Variants in TICRR observed in about 807,000 individuals in gnomAD.
TICRR encodes treslin.
Under a neutral mutation model 178.1 loss-of-function variants are expected in TICRR, and 132 were observed. The ratio of observed to expected loss-of-function variants is 0.74; its 90% CI spans 0.64 to 0.86. TICRR has a LOEUF of 0.86. Ranked by LOEUF, TICRR falls within the 40% of genes least tolerant of loss-of-function variation. The pLI, the probability that TICRR is intolerant of heterozygous loss-of-function variation, is 0.00. For synonymous variants in TICRR, 991 were observed against 900.7 expected (o/e 1.10, Z -1.79); for missense variants, 2,587 against 2,334.3 (o/e 1.11, Z -2.23).
At chr15:89,583,039 ACTT>A in intron 2 of TICRR, 74 bp downstream of exon 2, 8 of 1,433,616 alleles carry the variant, frequency 5.6e-6, no homozygotes, top group Non-Finnish European at 6.5e-6. Context: ...GAAGCTTTTA[ACTT>A]CTTTGGCATT....
intron 14 of TICRR, among the ~76,000 whole-genome samples, chr15:89,608,287 AAAC>A (rs1963203540): frequency 6.6e-6 from 1 of 152,216 alleles, no homozygotes; most frequent in Admixed American, 6.5e-5. Flanking sequence ...AGAAAGATAC[AAAC>A]TACTAAAAAC....
At position 89,623,965 on chromosome 15, in the gene TICRR, A is replaced by C. The variant is rs757057488; in HGVS notation, c.3655A>C (p.Ser1219Arg). The C allele has an allele frequency of 1.9e-6, 3 of 1,613,894 alleles. No homozygotes were observed. In the African/African-American group the frequency reaches 4.0e-5, roughly 22 times the overall value. Reference protein sequence around the residue: ...NCTWPHSVNSSPESPSCPAPP... With the variant: ...NCTWPHSVNSRPESPSCPAPP... The stretch of plus-strand genomic sequence containing the variant: ...TACTTGGCCACATTCAGTGAATTCC[A>C]GTCCAGAAAGCCCCTCCTGTCCAGC... The change falls in exon 20 of 22, where the codon AGT (serine) becomes CGT (arginine). Residue 1219 changes from serine to arginine, a missense_variant. By Grantham distance (110) the Ser-to-Arg change is moderately radical. Coordinates refer to ENST00000268138, the MANE Select transcript of TICRR (RefSeq NM_152259.4).
chr15:89,593,803 C>T (rs1382621994), intron 5 of TICRR, among the ~76,000 whole-genome samples: 1 of 152,194 alleles, frequency 6.6e-6, no homozygotes. Flanking sequence ...ATCACCGTAA[C>T]TTTCTTGCAC....
Position 89,625,214 on chromosome 15 carries a change from G to A in TICRR, c.4904G>A (p.Gly1635Asp). The change falls in exon 20 of 22, where the codon GGC becomes GAC. Residue 1635 changes from glycine to aspartate, a missense_variant. Gly to Asp is a moderately conservative substitution (Grantham distance 94). Coordinates refer to ENST00000268138, the MANE Select transcript of TICRR (RefSeq NM_152259.4). The part of the protein sequence containing the change: ...PCPRLSHSTP[G>D]KSRGQTYICQ... ...CCCCGCCTCTCCCACAGCACACCTGGCAAGAGCAGGGGGCAAACCTACATC... is the reference window on the plus strand; with the variant it reads ...CCCCGCCTCTCCCACAGCACACCTGACAAGAGCAGGGGGCAAACCTACATC... 4 of 1,613,628 alleles carry A rather than the reference G, an allele frequency of 2.5e-6. No individual in the cohort carries two copies. The highest frequency in any genetic ancestry group is 3.4e-6 in the Non-Finnish European group (4 of 1,179,820).
Position 89,624,965 on chromosome 15 carries a change from ACT to A in TICRR, c.4658_4659del (p.Ser1553CysfsTer7), listed in dbSNP as rs764454194. On this transcript the variant is annotated frameshift_variant, in exon 20 of 22. Coordinates refer to ENST00000268138, the MANE Select transcript of TICRR (RefSeq NM_152259.4). LOFTEE classifies it high-confidence loss of function. ...CCAGCATCAGCTTGGCATTCCACAG[ACT>A]CTGCCAGCCCACAGACCTATGAGGT... The A allele has an allele frequency of 3.7e-6, 6 of 1,613,856 alleles. No individual in the cohort carries two copies. Among genetic ancestry groups the A allele is most frequent in the Non-Finnish European group, 5.1e-6 (6 of 1,179,962 alleles).
rs768140486 is a variant in TICRR at position 89,575,650 on chromosome 15, C to T, written c.64C>T (p.Arg22Trp). The T allele has an allele frequency of 3.2e-6, 5 of 1,568,288 alleles. 1 individual carries two copies. Among genetic ancestry groups the T allele is most frequent in the South Asian group, 2.3e-5 (2 of 86,496 alleles). The change falls in exon 1 of 22, where the codon CGG (arginine) becomes TGG (tryptophan). Residue 22 changes from arginine to tryptophan, a missense_variant. Arg to Trp is a moderately radical substitution (Grantham distance 101). Transcript: ENST00000268138. ...DTAGGAARHS[R>W]VRRAALRLLT... ...CGCGGGCGGCGCCGCCCGCCACAGC[C>T]GGGTCCGGCGGGCCGCCCTGCGCCT...
intron 18 of TICRR, among the ~76,000 whole-genome samples, chr15:89,620,441 C>A (rs1963405648): frequency 6.6e-6 from 1 of 151,840 alleles, no homozygotes; most frequent in Non-Finnish European, 1.5e-5. Context: ...CTGCTGGGCT[C>A]AAGTGATCCA....
intron 16 of TICRR, among the ~76,000 whole-genome samples, chr15:89,617,241 T>A (rs1963349353): frequency 6.6e-6 from 1 of 152,186 alleles, no homozygotes. Context: ...ATCTCGACAT[T>A]ATTCGTATAT....
chr15:89,576,407 G>A (rs1962615811), intron 1 of TICRR, among the ~76,000 whole-genome samples, 167 bp downstream of exon 1: 1 of 152,122 alleles, frequency 6.6e-6, no homozygotes, highest in South Asian at 2.1e-4. Flanking sequence ...AACAAAATGG[G>A]TAGTTCCTCA....
chr15:89,596,450 G>A lies in TICRR; in HGVS notation c.1900+839G>A, dbSNP rs1018181920. Reference sequence around the variant, plus strand: ...CAACCTCTGCCTCCCGGGTTCAAGCGATTCTCCTGTCTCAGCCTCCCGAGT... The same window carrying A: ...CAACCTCTGCCTCCCGGGTTCAAGCAATTCTCCTGTCTCAGCCTCCCGAGT... On this transcript the variant is annotated intron_variant, in intron 7 of 21. Coordinates refer to ENST00000268138, the MANE Select transcript of TICRR (RefSeq NM_152259.4). Among the ~76,000 whole-genome samples, 4 of 152,096 alleles carry A rather than the reference G, an allele frequency of 2.6e-5. 1 individual carries two copies. The highest frequency in any genetic ancestry group is 4.2e-4 in the South Asian group (2 of 4,816).
chr15:89,625,569 G>A lies in TICRR; in HGVS notation c.5259G>A (p.Arg1753=). ...VCQLPDQSPP[R]NSMPKAEEAS... The stretch of plus-strand genomic sequence containing the variant: ...AGCTCCCAGACCAGTCGCCTCCCAG[G>A]AACAGCATGCCTAAGGCCGAGGAAG... The change falls in exon 20 of 22, where the codon AGG becomes AGA. Residue 1753 remains arginine, a synonymous_variant. Transcript: ENST00000268138. 6.2e-7 allele frequency: 1 copy of A among 1,613,068 alleles called. No individual in the cohort carries two copies. The highest frequency in any genetic ancestry group is 8.5e-7 in the Non-Finnish European group (1 of 1,180,008).
chr15:89,605,493 C>T (rs542459358), intron 13 of TICRR, among the ~76,000 whole-genome samples: 3 of 152,218 alleles, frequency 2.0e-5, no homozygotes, highest in East Asian at 3.9e-4. Context: ...CTCAGCCTCC[C>T]GAGTAGCTGG....
Position 89,608,882 on chromosome 15 carries a change from T to C in TICRR, c.2802T>C (p.Pro934=), listed in dbSNP as rs562641129. 9.9e-6 allele frequency: 16 copies of C among 1,611,390 alleles called. No homozygotes were observed. Among genetic ancestry groups the C allele is most frequent in the Admixed American group, 1.7e-5 (1 of 59,476 alleles). The change falls in exon 15 of 22, where the codon CCT becomes CCC. Residue 934 remains proline (P), a synonymous_variant. Transcript: ENST00000268138. ...PSKRSLKRGL[P]RSHSVSAVDG... ...AGAGATCACTAAAGCGGGGGTTGCC[T>C]AGAAGCCATTCTGTGTCAGCTGTGG...
In TICRR at chr15:89,614,533, G is replaced by A. The variant is rs181531490; in HGVS notation, c.2870-1872G>A. Among the ~76,000 whole-genome samples the A allele has an allele frequency of 2.3e-3, 345 of 152,174 alleles. 5 individuals carry two copies. The highest frequency in any genetic ancestry group is 0.016 in the Admixed American group (247 of 15,280). On this transcript the variant is annotated intron_variant, in intron 15 of 21. Coordinates refer to ENST00000268138, the MANE Select transcript of TICRR (RefSeq NM_152259.4). ...TTTTGTAAAGATGTGGTTTCACCAC[G>A]TTGGCCAGGCTTGTCTTGAACTTCT...
At chr15:89,601,460 A>G (rs1421501426) in intron 10 of TICRR, 29 bp from the exon 11 acceptor site, 4 of 1,613,438 alleles carry the variant, frequency 2.5e-6, no homozygotes, top group Non-Finnish European at 3.4e-6. Flanking sequence ...GAGGGCATCT[A>G]TATAGTAACG....
At position 89,584,320 on chromosome 15, in the gene TICRR, C is replaced by T; in HGVS notation, c.969C>T (p.Thr323=). 1.2e-6 allele frequency: 2 copies of T among 1,614,016 alleles called. No individual in the cohort carries two copies. Among genetic ancestry groups the T allele is most frequent in the Non-Finnish European group, 1.7e-6 (2 of 1,179,994 alleles). The change falls in exon 3 of 22, where the codon ACC becomes ACT. Residue 323 remains threonine (T), a synonymous_variant. Coordinates refer to ENST00000268138, the MANE Select transcript of TICRR (RefSeq NM_152259.4). ...AGATTCAAGAAACATGGACAGTCAC[C>T]CTAGAGCCCTTGGCCATGCATCAGA... is the stretch of plus-strand genomic sequence containing the variant. ...GKEIQETWTV[T]LEPLAMHQRH...
intron 4 of TICRR, among the ~76,000 whole-genome samples, chr15:89,591,245 TC>T (rs945593370): frequency 4.6e-5 from 7 of 152,084 alleles, no homozygotes; most frequent in Non-Finnish European, 1.0e-4. Flanking sequence ...TGCCTGAACC[TC>T]CCGAATAGCT....
At position 89,585,703 on chromosome 15, in the gene TICRR, C is replaced by G. The variant is rs545781293; in HGVS notation, c.1177-5C>G. ...ATTCTCAACTAATTAGGGCTTCTCA[C>G]GTAGGTTGCTGATGTGGACCCTGGT... is the stretch of plus-strand genomic sequence containing the variant. On this transcript the variant is annotated splice_polypyrimidine_tract_variant and splice_region_variant and intron_variant, in intron 3 of 21. Coordinates refer to ENST00000268138, the MANE Select transcript of TICRR (RefSeq NM_152259.4). 1.2e-6 allele frequency: 2 copies of G among 1,605,890 alleles called. No individual in the cohort carries two copies. Among genetic ancestry groups the G allele is most frequent in the Non-Finnish European group, 8.5e-7 (1 of 1,172,502 alleles).
At chr15:89,598,150 T>G (rs28813425) in intron 7 of TICRR, among the ~76,000 whole-genome samples, 4,388 of 51,954 alleles carry the variant, frequency 0.084, 191 homozygotes, top group African/African-American at 0.18. Flanking sequence ...TTGTTTGTTT[T>G]TTTTAGTAGA....
Sources: allele counts gnomAD v4.1 joint callset (sites outside exome capture counted in the v4.1 genomes callset), GRCh38; gene constraint gnomAD v4.1.1; transcripts MANE v1.5; gene names NCBI Gene and HGNC (gene_info 2026-07-23, HGNC 2026-07-21).